Variants in PRKN observed in about 807,000 individuals in gnomAD.
PRKN encodes the protein E3 ubiquitin-protein ligase parkin.
PRKN carries 56 observed loss-of-function variants against 59.5 expected under a neutral mutation model. That is an observed-to-expected ratio of 0.94 (90% confidence interval 0.76 to 1.18). The LOEUF (loss-of-function observed/expected upper bound fraction) is 1.18, where lower values mean the gene tolerates loss of function less well. Among genes scored for constraint, PRKN ranks in the 50% most tolerant of loss-of-function variants. The probability of loss-of-function intolerance (pLI) is 0.00; values close to 1 mark genes in which losing one functional copy is unlikely to be tolerated. For missense variants in PRKN, 657 were observed against 596.4 expected (o/e 1.10, Z -1.06); for synonymous variants, 250 against 222.1 (o/e 1.13, Z -1.12).
intron 9 of PRKN, among the ~76,000 whole-genome samples, chr6:161,506,380 T>A (rs1778170448): frequency 6.6e-6 from 1 of 152,196 alleles, no homozygotes; most frequent in South Asian, 2.1e-4. Flanking sequence ...TGATTTTGTA[T>A]CCTGAGACTT....
At chr6:162,436,385 T>G (rs1467837717) in intron 2 of PRKN, among the ~76,000 whole-genome samples, 1 of 150,874 alleles carries the variant, frequency 6.6e-6, no homozygotes, top group Non-Finnish European at 1.5e-5. Context: ...CAGGCTGGAG[T>G]GCAATGGCGC....
intron 5 of PRKN, among the ~76,000 whole-genome samples, chr6:161,974,511 T>C (rs1780950392): frequency 1.3e-5 from 2 of 152,182 alleles, no homozygotes; most frequent in South Asian, 4.1e-4. Flanking sequence ...AACCACGTTT[T>C]TTCTTCACTT....
intron 1 of PRKN, among the ~76,000 whole-genome samples, chr6:162,517,410 A>G (rs12111430): frequency 0.09 from 13,518 of 150,046 alleles, 656 homozygotes; most frequent in South Asian, 0.17. Flanking sequence ...ACCAGGCCCG[A>G]CTAATTTGTT....
At chr6:162,545,061 C>T (rs533839495) in intron 1 of PRKN, among the ~76,000 whole-genome samples, 85 of 150,888 alleles carry the variant, frequency 5.6e-4, no homozygotes, top group African/African-American at 1.9e-3. Flanking sequence ...CTGAGGTGGA[C>T]GAATCGTGAG....
intron 3 of PRKN, among the ~76,000 whole-genome samples, chr6:162,209,798 T>C (rs1486860009): frequency 6.6e-6 from 1 of 152,150 alleles, no homozygotes; most frequent in Non-Finnish European, 1.5e-5. Context: ...TGAGTTCATG[T>C]CCTTTGTGGG....
intron 2 of PRKN, among the ~76,000 whole-genome samples, chr6:162,389,096 G>A (rs1303164789): frequency 6.6e-6 from 1 of 150,416 alleles, no homozygotes; most frequent in East Asian, 2.0e-4. Flanking sequence ...AGCCCTTCCC[G>A]ATCACTTCTT....
intron 2 of PRKN, among the ~76,000 whole-genome samples, chr6:162,287,133 C>A (rs1010847065): frequency 6.6e-6 from 1 of 152,102 alleles, no homozygotes; most frequent in Non-Finnish European, 1.5e-5. Context: ...AAAATGATAA[C>A]AGATTACAGA....
intron 4 of PRKN, among the ~76,000 whole-genome samples, chr6:162,074,629 AT>A (rs386353078): frequency 0.48 from 72,839 of 150,990 alleles, 17,706 homozygotes; most frequent in Admixed American, 0.53. Context: ...TAAAGTATAT[AT>A]ATAAAAAAAA....
At chr6:161,908,260 A>G (rs1778224940) in intron 6 of PRKN, among the ~76,000 whole-genome samples, 1 of 152,180 alleles carries the variant, frequency 6.6e-6, no homozygotes, top group Non-Finnish European at 1.5e-5. Context: ...TTTCCGGTAC[A>G]TGGACGATAC....
At chr6:161,778,630 C>T (rs1348893359) in intron 7 of PRKN, among the ~76,000 whole-genome samples, 3 of 152,128 alleles carry the variant, frequency 2.0e-5, no homozygotes, top group African/African-American at 4.8e-5. Context: ...AGATTCCATA[C>T]GTCAAAGACA....
chr6:161,685,919 A>C (rs1213070596), intron 7 of PRKN, among the ~76,000 whole-genome samples: 5 of 152,074 alleles, frequency 3.3e-5, no homozygotes, highest in African/African-American at 1.2e-4. Context: ...CAGCAACCTC[A>C]CCCCGGTCCC....
chr6:161,371,372 C>T lies in PRKN; in HGVS notation c.1168-11167G>A, dbSNP rs538213880. ...AGGAGACGGAGTTTCACCATGTTGG[C>T]CAGGCTAGTTTTGAACTCCTGACCT... On this transcript the variant is annotated intron_variant, in intron 10 of 11. Coordinates refer to ENST00000366898, the MANE Select transcript of PRKN (RefSeq NM_004562.3). The surrounding 1 kb of genome is among the most constrained non-coding windows in gnomAD (Gnocchi z 5.5). Among the ~76,000 whole-genome samples the T allele has an allele frequency of 1.3e-5, 2 of 152,004 alleles. No homozygotes were observed. The highest frequency in any genetic ancestry group is 2.1e-4 in the South Asian group (1 of 4,816).
intron 2 of PRKN, among the ~76,000 whole-genome samples, chr6:162,325,514 C>G (rs1023486419): frequency 6.6e-6 from 1 of 152,116 alleles, no homozygotes. Flanking sequence ...CCAGGGTCTA[C>G]AGAGGCTCTA....
chr6:161,887,431 G>A (rs779987662), intron 6 of PRKN, among the ~76,000 whole-genome samples: 1 of 152,102 alleles, frequency 6.6e-6, no homozygotes, highest in Non-Finnish European at 1.5e-5. Flanking sequence ...AATAAAATAG[G>A]GAGGGACTAT....
chr6:162,378,843 T>C (rs1012714456), intron 2 of PRKN, among the ~76,000 whole-genome samples: 1 of 152,150 alleles, frequency 6.6e-6, no homozygotes, highest in Non-Finnish European at 1.5e-5. Flanking sequence ...TTAAGATGAT[T>C]CCTCAAAAAT....
At chr6:161,760,450 A>G (rs962919026) in intron 7 of PRKN, among the ~76,000 whole-genome samples, 2 of 151,756 alleles carry the variant, frequency 1.3e-5, no homozygotes, top group African/African-American at 4.8e-5. Context: ...TGGGACAGCC[A>G]GGTGGGAGGG....
At chr6:162,392,605 C>A (rs1241345251) in intron 2 of PRKN, among the ~76,000 whole-genome samples, 1 of 152,182 alleles carries the variant, frequency 6.6e-6, no homozygotes, top group Admixed American at 6.5e-5. Flanking sequence ...ATTAGGCAAA[C>A]CAATAATGCC....
intron 5 of PRKN, among the ~76,000 whole-genome samples, chr6:162,012,370 A>G (rs890400526): frequency 6.6e-6 from 1 of 152,068 alleles, no homozygotes; most frequent in African/African-American, 2.4e-5. Context: ...AAAAGAAAGT[A>G]AACTAAAACA....
intron 9 of PRKN, among the ~76,000 whole-genome samples, chr6:161,478,762 C>T (rs942920067): frequency 4.6e-5 from 7 of 152,210 alleles, no homozygotes; most frequent in Non-Finnish European, 1.0e-4. Flanking sequence ...GGGACGATCA[C>T]GTGAGCCTCG....
Sources: gnomAD v4.1 joint callset for allele counts (sites outside exome capture counted in the v4.1 genomes callset) on GRCh38, gnomAD v4.1.1 for gene constraint, Gnocchi (gnomAD v3.1) non-coding constraint, MANE v1.5 for transcripts, NCBI Gene and HGNC (gene_info 2026-07-23, HGNC 2026-07-21) for gene names.